The following ABCC1 variants were observed in gnomAD, a reference collection of about 807,000 sequenced individuals.
ABCC1 encodes the protein multidrug resistance-associated protein 1.
A neutral mutation model predicts 172.9 loss-of-function variants in ABCC1; 83 were observed. The ratio of observed to expected loss-of-function variants is 0.48; its 90% CI spans 0.40 to 0.58. The LOEUF is 0.58. Among genes scored for constraint, ABCC1 ranks in the 20% least tolerant of loss-of-function variants. ABCC1 has a pLI of 0.00. For synonymous variants in ABCC1, 937 were observed against 825.2 expected (o/e 1.14, Z -2.32); for missense variants, 1,817 against 2,002.7 (o/e 0.91, Z 1.77).
At chr16:15,950,794 C>T (rs1232112482) in intron 1 of ABCC1, among the ~76,000 whole-genome samples, 1 of 152,020 alleles carries the variant, frequency 6.6e-6, no homozygotes, top group Non-Finnish European at 1.5e-5. Context: ...GAGAAACAGC[C>T]TTGGTTCTTA....
rs770223741 is a variant in ABCC1, at chr16:16,131,884, C to T, written c.3915C>T (p.Asp1305=). The T allele has an allele frequency of 3.1e-6, 5 of 1,614,184 alleles. No homozygotes were observed. The highest frequency in any genetic ancestry group is 4.2e-6 in the Non-Finnish European group (5 of 1,180,022). ...ACTACTGCCTGCGCTACCGAGAGGA[C>T]CTGGACTTCGTTCTCAGGCACATCA... The part of the protein sequence containing the change: ...FRNYCLRYRE[D]LDFVLRHINV... Residue 1305 remains aspartate, a synonymous_variant, in exon 27 of 31, where the codon GAC becomes GAT. Coordinates refer to ENST00000399410, the MANE Select transcript of ABCC1 (RefSeq NM_004996.4).
At chr16:16,003,732 G>A (rs372949591) in intron 1 of ABCC1, among the ~76,000 whole-genome samples, 738 of 49,718 alleles carry the variant, frequency 0.015, no homozygotes, top group African/African-American at 0.018. Flanking sequence ...TGAATTGGTG[G>A]ATGGGTAGGT....
At chr16:16,120,115 C>T (rs1223741983) in intron 23 of ABCC1, among the ~76,000 whole-genome samples, 3 of 152,104 alleles carry the variant, frequency 2.0e-5, no homozygotes, top group Admixed American at 1.3e-4. Flanking sequence ...GAAGAAGCTG[C>T]CAACCACAGA....
At chr16:16,068,374 C>T (rs747387356) in intron 13 of ABCC1, 72 bp downstream of exon 13, 13 of 1,566,698 alleles carry the variant, frequency 8.3e-6, no homozygotes, top group Admixed American at 3.4e-5. Context: ...ATGGAAGTGC[C>T]CCCGAGCGCA....
At chr16:15,990,133 C>T (rs1316032949) in intron 1 of ABCC1, among the ~76,000 whole-genome samples, 1 of 152,102 alleles carries the variant, frequency 6.6e-6, no homozygotes, top group Non-Finnish European at 1.5e-5. Flanking sequence ...CAGCTCACTG[C>T]AGTCTCTGTC....
intron 7 of ABCC1, among the ~76,000 whole-genome samples, 159 bp from the exon 8 acceptor site, chr16:16,044,291 G>A (rs1259127515): frequency 6.6e-6 from 1 of 151,620 alleles, no homozygotes; most frequent in Non-Finnish European, 1.5e-5. Context: ...TGGCTCTGGA[G>A]CCCGTGTTTG....
intron 1 of ABCC1, among the ~76,000 whole-genome samples, chr16:15,971,821 G>A (rs1334204275): frequency 6.6e-6 from 1 of 152,156 alleles, no homozygotes; most frequent in African/African-American, 2.4e-5. Context: ...GGGAACACCA[G>A]GGTTCTTGGT....
intron 20 of ABCC1, among the ~76,000 whole-genome samples, chr16:16,104,028 C>T (rs958290325): frequency 1.3e-5 from 2 of 152,084 alleles, no homozygotes; most frequent in African/African-American, 2.4e-5. Flanking sequence ...TGTTACAGCT[C>T]TTAAGGTGGC....
intron 21 of ABCC1, among the ~76,000 whole-genome samples, chr16:16,108,373 C>T (rs1199611990): frequency 2.8e-5 from 4 of 144,294 alleles, no homozygotes; most frequent in Non-Finnish European, 6.0e-5. Context: ...CGGGTTCAAG[C>T]AATTTACCTG....
At chr16:16,044,313 C>T in intron 7 of ABCC1, 137 bp from the exon 8 acceptor site, 1 of 767,504 alleles carries the variant, frequency 1.3e-6, no homozygotes, top group South Asian at 1.7e-5. Flanking sequence ...AACCACTGTG[C>T]TGAGCTGCCT....
At chr16:15,972,923 A>C (rs2046401991) in intron 1 of ABCC1, among the ~76,000 whole-genome samples, 1 of 148,320 alleles carries the variant, frequency 6.7e-6, no homozygotes, top group Admixed American at 7.0e-5. Context: ...CTTAGCCTCC[A>C]GAGTAGCTGG....
chr16:16,103,675 G>A (rs45502294), intron 20 of ABCC1, among the ~76,000 whole-genome samples: 3,320 of 152,272 alleles, frequency 0.022, 118 homozygotes, highest in African/African-American at 0.074. Flanking sequence ...ATCAGACCGC[G>A]GAGATCTGAG....
At chr16:16,017,740 C>A (rs564924312) in intron 5 of ABCC1, among the ~76,000 whole-genome samples, 2 of 152,178 alleles carry the variant, frequency 1.3e-5, no homozygotes, top group East Asian at 3.9e-4. Flanking sequence ...GAGATGGGAT[C>A]TTGCTGTGTT....
rs45526931 is a variant in ABCC1, at chr16:15,959,339, C to A, written c.48+9540C>A. ...TTCTTTTTCTTTTTCTTTCTTTTTT[C>A]TTTTGAGACAGGGTCTCCCTCTGTC... On this transcript the variant is annotated intron_variant, in intron 1 of 30. Transcript: ENST00000399410. Among the ~76,000 whole-genome samples, 15 of 151,814 alleles carry A rather than the reference C, an allele frequency of 9.9e-5. No homozygotes were observed. The South Asian group carries it at 2.9e-3, about 29-fold the overall frequency.
intron 1 of ABCC1, among the ~76,000 whole-genome samples, chr16:15,993,883 T>C (rs1447678357): frequency 1.3e-5 from 2 of 152,102 alleles, no homozygotes; most frequent in African/African-American, 4.8e-5. Flanking sequence ...GCCCTGGAGA[T>C]CTTGCCTCCA....
chr16:16,137,610 T>C (rs1423513775), intron 29 of ABCC1, among the ~76,000 whole-genome samples: 2 of 126,438 alleles, frequency 1.6e-5, no homozygotes, highest in African/African-American at 6.0e-5. Context: ...CAGGCTGGAG[T>C]GCAGTGGCGC....
chr16:16,124,305 T>C (rs933399940), intron 24 of ABCC1, among the ~76,000 whole-genome samples: 10 of 95,816 alleles, frequency 1.0e-4, no homozygotes, highest in African/African-American at 4.1e-4. Flanking sequence ...TTTTTGTTGT[T>C]GTTAATGCAC....
At chr16:15,985,974 A>C (rs1034482076) in intron 1 of ABCC1, among the ~76,000 whole-genome samples, 12 of 148,058 alleles carry the variant, frequency 8.1e-5, no homozygotes, top group African/African-American at 3.0e-4. Flanking sequence ...AATCTCCTTT[A>C]CTTTTTTTTT....
intron 1 of ABCC1, among the ~76,000 whole-genome samples, chr16:15,973,659 A>G (rs941000600): frequency 1.3e-5 from 2 of 152,098 alleles, no homozygotes; most frequent in African/African-American, 2.4e-5. Flanking sequence ...TCAGATCTCC[A>G]GCAATCGTGT....
Sources: gnomAD v4.1 joint callset for allele counts (sites outside exome capture counted in the v4.1 genomes callset) on GRCh38, gnomAD v4.1.1 for gene constraint, MANE v1.5 for transcripts, NCBI Gene and HGNC (gene_info 2026-07-23, HGNC 2026-07-21) for gene names.